Variants in ADGRL3 observed in about 807,000 individuals in gnomAD.
ADGRL3 encodes calcium-independent alpha-latrotoxin receptor 3.
Under a neutral mutation model 153.5 loss-of-function variants are expected in ADGRL3, and 62 were observed. The ratio of observed to expected loss-of-function variants is 0.40; its 90% CI spans 0.33 to 0.50. The LOEUF (loss-of-function observed/expected upper bound fraction) is 0.50, where lower values mean the gene tolerates loss of function less well. Ranked by LOEUF, ADGRL3 falls within the 20% of genes least tolerant of loss-of-function variation. ADGRL3 has a pLI of 0.47. For missense variants in ADGRL3, 1,641 were observed against 1,859.4 expected, an observed-to-expected ratio of 0.88 and a Z score of 2.16; for synonymous variants, 710 against 672.5, an observed-to-expected ratio of 1.06 and a Z score of -0.86.
At chr4:61,460,252 A>G (rs576643285) in intron 2 of ADGRL3, among the ~76,000 whole-genome samples, 1 of 152,100 alleles carries the variant, frequency 6.6e-6, no homozygotes, top group South Asian at 2.1e-4. Flanking sequence ...GTATATGGTG[A>G]GAGATAGGAG....
chr4:61,622,400 C>G (rs1432821803), intron 5 of ADGRL3, among the ~76,000 whole-genome samples: 1 of 152,088 alleles, frequency 6.6e-6, no homozygotes. Flanking sequence ...AGAGGATGAA[C>G]TTTTTGGAAA....
chr4:61,991,424 C>CT (rs2099103227), intron 19 of ADGRL3, among the ~76,000 whole-genome samples: 1 of 151,904 alleles, frequency 6.6e-6, no homozygotes, highest in Admixed American at 6.6e-5. Flanking sequence ...AGCCATAATT[C>CT]TTATCTTTAT....
At chr4:61,656,767 T>A (rs1331864343) in intron 5 of ADGRL3, among the ~76,000 whole-genome samples, 1 of 152,148 alleles carries the variant, frequency 6.6e-6, no homozygotes, top group African/African-American at 2.4e-5. Flanking sequence ...TTTTCTAGCT[T>A]TAACCGTATT....
intron 8 of ADGRL3, among the ~76,000 whole-genome samples, chr4:61,756,298 G>A (rs1249069035): frequency 1.3e-5 from 2 of 152,106 alleles, no homozygotes; most frequent in African/African-American, 4.8e-5. Context: ...ATTTCATTGA[G>A]CAGTGGTTTG....
chr4:61,936,003 A>G lies in ADGRL3; in HGVS notation c.2377A>G (p.Ile793Val). 1 of 1,610,234 alleles carries G rather than the reference A, an allele frequency of 6.2e-7. No homozygotes were observed. The highest frequency in any genetic ancestry group is 1.7e-4 in the Middle Eastern group (1 of 6,054). The change falls in exon 15 of 27, where the codon ATC becomes GTC. Residue 793 changes from isoleucine to valine, a missense_variant. Physicochemically the swap from Ile to Val is conservative, Grantham distance 29. Coordinates refer to ENST00000683033, the MANE Select transcript of ADGRL3 (RefSeq NM_001387552.1). ...AGAAAACATGGGCCATGGAAGCACT[A>G]TCCAGCTGTCTGCAAATACCTTAAA... ...FPENMGHGST[I>V]QLSANTLKQN... is the part of the protein sequence containing the mutation.
chr4:61,872,154 G>A (rs2098449214), intron 9 of ADGRL3, among the ~76,000 whole-genome samples: 1 of 152,140 alleles, frequency 6.6e-6, no homozygotes. Flanking sequence ...AAGCAGCCTG[G>A]TTTGTATGGA....
intron 1 of ADGRL3, among the ~76,000 whole-genome samples, chr4:61,377,175 A>G (rs922129433): frequency 1.3e-5 from 2 of 151,982 alleles, no homozygotes; most frequent in African/African-American, 4.8e-5. Context: ...ATGGTACGGA[A>G]TGGTATAGTA....
At position 61,456,366 on chromosome 4, in the gene ADGRL3, T is replaced by TATCTATATCTATATCTATATATAG. The variant is rs1560663608; in HGVS notation, c.-173-40754_-173-40753insTCTATATCTATATCTATATATAGA. ...TTTGAAGGAGATATATATAGAGATA[T>TATCTATATCTATATCTATATATAG]AGATATATCTATATATATATATAGA... On this transcript the variant is annotated intron_variant, in intron 2 of 26. Coordinates refer to ENST00000683033, the MANE Select transcript of ADGRL3 (RefSeq NM_001387552.1). Among the ~76,000 whole-genome samples, 84 of 125,962 alleles carry TATCTATATCTATATCTATATATAG rather than the reference T, an allele frequency of 6.7e-4. 2 individuals are homozygous for TATCTATATCTATATCTATATATAG. Among genetic ancestry groups the TATCTATATCTATATCTATATATAG allele is most frequent in the Admixed American group, 1.3e-3 (16 of 12,664 alleles). 82.6% of individuals were successfully genotyped at this position (125,962 alleles called of 152,430 possible).
chr4:61,236,482 T>C lies in ADGRL3; in HGVS notation c.-240+34717T>C, dbSNP rs148906330. ...AAAACTCTTTTTGTTTATTTTTTGG[T>C]ATTAGATGGAAATACTCTTTACTAC... On this transcript the variant is annotated intron_variant, in intron 1 of 26. Coordinates refer to ENST00000683033, the MANE Select transcript of ADGRL3 (RefSeq NM_001387552.1). Among the ~76,000 whole-genome samples, 15 of 152,308 alleles carry C rather than the reference T, an allele frequency of 9.8e-5. No individual in the cohort carries two copies. The East Asian group carries it at 2.9e-3, about 29-fold the overall frequency.
At chr4:61,413,625 A>G (rs1022127247) in intron 2 of ADGRL3, among the ~76,000 whole-genome samples, 5 of 152,238 alleles carry the variant, frequency 3.3e-5, no homozygotes, top group Non-Finnish European at 5.9e-5. Flanking sequence ...GAATTACTAC[A>G]TTGCCCCTTT....
At chr4:62,068,537 T>G (rs1229864022) in intron 26 of ADGRL3, among the ~76,000 whole-genome samples, 1 of 152,198 alleles carries the variant, frequency 6.6e-6, no homozygotes, top group Non-Finnish European at 1.5e-5. Context: ...CCACTTTATT[T>G]TACTATGGCT....
At chr4:61,466,214 A>G (rs945709994) in intron 2 of ADGRL3, among the ~76,000 whole-genome samples, 9 of 152,204 alleles carry the variant, frequency 5.9e-5, no homozygotes, top group African/African-American at 1.9e-4. Flanking sequence ...TGATAGTAAC[A>G]TTTAAAATAA....
At chr4:61,768,185 C>T (rs2097025960) in intron 8 of ADGRL3, among the ~76,000 whole-genome samples, 1 of 152,008 alleles carries the variant, frequency 6.6e-6, no homozygotes, top group South Asian at 2.1e-4. Flanking sequence ...CTCCAGCCAC[C>T]TTTTTAAGAG....
At chr4:61,889,478 C>A (rs1315089916) in intron 9 of ADGRL3, among the ~76,000 whole-genome samples, 1 of 152,114 alleles carries the variant, frequency 6.6e-6, no homozygotes, top group Non-Finnish European at 1.5e-5. Context: ...GAAGGGCAGA[C>A]AGAAACCATT....
Position 61,958,377 on chromosome 4 carries a change from GTTTCTTTCTTTCTTTCTTTCTTTC to G in ADGRL3, c.2805+10125_2805+10148del, listed in dbSNP as rs3065141. 5.4e-5 allele frequency among the ~76,000 whole-genome samples: 8 copies of G among 148,168 alleles called. No individual in the cohort carries two copies. In the Admixed American group the frequency reaches 5.4e-4, roughly 10 times the overall value. ...GTTTATTAATGCTAATGTTGTAAAGGTTTCTTTCTTTCTTTCTTTCTTTCTTTCTTTCTTTCTTTCTTTCTTTAT... is the reference window on the plus strand; with the variant it reads ...GTTTATTAATGCTAATGTTGTAAAGGTTTCTTTCTTTCTTTCTTTCTTTAT... On this transcript the variant is annotated intron_variant, in intron 17 of 26. Coordinates refer to ENST00000683033, the MANE Select transcript of ADGRL3 (RefSeq NM_001387552.1).
intron 2 of ADGRL3, among the ~76,000 whole-genome samples, chr4:61,485,503 A>C (rs2098180857): frequency 6.6e-6 from 1 of 152,200 alleles, no homozygotes; most frequent in Non-Finnish European, 1.5e-5. Context: ...AAGCGTTTTA[A>C]ACTCAAATTG....
At chr4:62,065,917 T>C (rs1041473953) in intron 25 of ADGRL3, among the ~76,000 whole-genome samples, 1 of 152,078 alleles carries the variant, frequency 6.6e-6, no homozygotes, top group Non-Finnish European at 1.5e-5. Context: ...TATGACTGGT[T>C]ATTGCTACTT....
At chr4:61,612,985 C>CT (rs892489085) in intron 5 of ADGRL3, among the ~76,000 whole-genome samples, 4 of 151,304 alleles carry the variant, frequency 2.6e-5, no homozygotes, top group South Asian at 2.1e-4. Context: ...TTATTTGCTT[C>CT]TTTTTTTTTA....
intron 13 of ADGRL3, among the ~76,000 whole-genome samples, chr4:61,919,564 A>G (rs2098758988): frequency 6.6e-6 from 1 of 152,212 alleles, no homozygotes; most frequent in South Asian, 2.1e-4. Flanking sequence ...TCCTTTCTAT[A>G]AGTTGTAGAC....
Sources: gnomAD v4.1 joint callset for allele counts (sites outside exome capture counted in the v4.1 genomes callset) on GRCh38, gnomAD v4.1.1 for gene constraint, MANE v1.5 for transcripts, NCBI Gene and HGNC (gene_info 2026-07-23, HGNC 2026-07-21) for gene names.